Variants in CACNA1G observed in about 807,000 individuals in gnomAD.
CACNA1G encodes the protein voltage-dependent T-type calcium channel subunit alpha-1G.
In CACNA1G, 67 loss-of-function variants were observed where a neutral mutation model predicts 219.4. The ratio of observed to expected loss-of-function variants is 0.31; its 90% CI spans 0.25 to 0.37. The LOEUF (loss-of-function observed/expected upper bound fraction) is 0.37, where lower values mean the gene tolerates loss of function less well. CACNA1G is among the 10% of genes least tolerant of loss of function. CACNA1G has a pLI of 1.00. For synonymous variants in CACNA1G, 1,296 were observed against 1,345.3 expected, an observed-to-expected ratio of 0.96 and a Z score of 0.80; for missense variants, 2,380 against 3,231.4, an observed-to-expected ratio of 0.74 and a Z score of 6.39.
intron 26 of CACNA1G, 135 bp downstream of exon 26, chr17:50,610,070 G>A (rs2048884413): frequency 3.8e-6 from 3 of 783,354 alleles, no homozygotes; most frequent in South Asian, 3.1e-5. Context: ...GGGCTGAAGC[G>A]CTGGGCTCTG....
chr17:50,616,349 T>A lies in CACNA1G; in HGVS notation c.4986T>A (p.Leu1662=), dbSNP rs374164924. 1.2e-6 allele frequency: 2 copies of A among 1,613,536 alleles called. No individual in the cohort carries two copies. Among genetic ancestry groups the A allele is most frequent in the African/African-American group, 2.7e-5 (2 of 74,930 alleles). ...VIFVLESVFK[L]VAFGFRRFFQ... ...TTGTCTTGGAGTCAGTTTTCAAACT[T>A]GTGGCCTTTGGTTTCCGTCGGTTCT... Residue 1662 remains leucine, a synonymous_variant, in exon 28 of 38, where the codon CTT becomes CTA. Coordinates refer to ENST00000359106, the MANE Select transcript of CACNA1G (RefSeq NM_018896.5).
chr17:50,575,236 A>C (rs910004021), intron 7 of CACNA1G, among the ~76,000 whole-genome samples: 1 of 152,168 alleles, frequency 6.6e-6, no homozygotes, highest in Non-Finnish European at 1.5e-5. Flanking sequence ...AGATTGCAGG[A>C]TAACACCATG....
At chr17:50,592,262 C>T (rs1032070590) in intron 13 of CACNA1G, among the ~76,000 whole-genome samples, 170 bp downstream of exon 13, 6 of 152,182 alleles carry the variant, frequency 3.9e-5, no homozygotes, top group African/African-American at 1.2e-4. Context: ...CTCCAGATCT[C>T]GTGCAGCCCC....
chr17:50,586,788 T>C (rs1321682667), intron 9 of CACNA1G, among the ~76,000 whole-genome samples: 1 of 152,218 alleles, frequency 6.6e-6, no homozygotes, highest in Admixed American at 6.5e-5. Context: ...AAGGCACTTT[T>C]AGGGCTAGTT....
intron 10 of CACNA1G, 128 bp downstream of exon 10, chr17:50,590,750 G>A (rs1055982320): frequency 6.5e-6 from 5 of 767,792 alleles, no homozygotes; most frequent in African/African-American, 1.7e-5. Flanking sequence ...GACCCCACAG[G>A]ACCTGCCACT....
At chr17:50,575,022 C>T (rs1398964281) in intron 7 of CACNA1G, among the ~76,000 whole-genome samples, 1 of 152,160 alleles carries the variant, frequency 6.6e-6, no homozygotes, top group Non-Finnish European at 1.5e-5. Flanking sequence ...GTCTCTCGCC[C>T]AAAGTCACAC....
rs777411079 is a variant in CACNA1G at position 50,618,256 on chromosome 17, C to A, written c.5340C>A (p.Gly1780=). 8 of 1,613,792 alleles carry A rather than the reference C, an allele frequency of 5.0e-6. No homozygotes were observed. Among genetic ancestry groups the A allele is most frequent in the Non-Finnish European group, 5.1e-6 (6 of 1,179,800 alleles). The part of the protein sequence containing the change: ...CDETHPCEGL[G]RHATFRNFGM... ...AGACACACCCCTGTGAGGGCCTGGG[C>A]CGTCATGCCACCTTTCGGAACTTTG... The change falls in exon 32 of 38, where the codon GGC becomes GGA. Residue 1780 remains glycine (G), a synonymous_variant. Coordinates refer to ENST00000359106, the MANE Select transcript of CACNA1G (RefSeq NM_018896.5). The surrounding 1 kb of genome is among the most constrained non-coding windows in gnomAD (Gnocchi z 5.3).
chr17:50,585,500 T>C (rs1859344), intron 9 of CACNA1G, among the ~76,000 whole-genome samples: 3,564 of 152,210 alleles, frequency 0.023, 64 homozygotes, highest in Non-Finnish European at 0.039. Flanking sequence ...GTGGGGGGAA[T>C]AAGCGTAGAA....
At chr17:50,605,815 C>T in intron 22 of CACNA1G, 83 bp from the exon 23 acceptor site, 3 of 1,499,044 alleles carry the variant, frequency 2.0e-6, no homozygotes, top group Non-Finnish European at 2.8e-6. Context: ...TGTGCCCAGG[C>T]TGGCGTGGGG....
At chr17:50,590,115 C>T (rs1006751120) in intron 9 of CACNA1G, among the ~76,000 whole-genome samples, 2 of 152,170 alleles carry the variant, frequency 1.3e-5, no homozygotes, top group Admixed American at 1.3e-4. Context: ...TGCTGCTGGC[C>T]TGGGCCCGCT....
intron 1 of CACNA1G, among the ~76,000 whole-genome samples, chr17:50,567,842 C>G (rs558421620): frequency 6.6e-6 from 1 of 152,240 alleles, no homozygotes; most frequent in East Asian, 1.9e-4. Context: ...ATGAGTCACC[C>G]CATAGAATCC....
chr17:50,618,160 G>C lies in CACNA1G; in HGVS notation c.5305+34G>C, dbSNP rs2050973410. 6.2e-7 allele frequency: 1 copy of C among 1,613,210 alleles called. No individual in the cohort carries two copies. Among genetic ancestry groups the C allele is most frequent in the South Asian group, 1.1e-5 (1 of 91,050 alleles). The stretch of plus-strand genomic sequence containing the variant: ...GGGTAGGGGAGGGTGGAGGAGCCAG[G>C]GCTGGAGACCAGGGGGCTCCTGGAC... On this transcript the variant is annotated intron_variant, in intron 31 of 37. Transcript: ENST00000359106. The surrounding 1 kb of genome is among the most constrained non-coding windows in gnomAD (Gnocchi z 5.3).
Position 50,624,379 on chromosome 17 carries a change from C to T in CACNA1G, c.6249C>T (p.His2083=). The part of the protein sequence containing the change: ...KAQSGSVLSV[H]SQPADTSYIL... Reference sequence around the variant, plus strand: ...CCACAGGCTCCGTCTTGTCCGTTCACTCCCAGCCAGCAGATACCAGCTACA... The same window carrying T: ...CCACAGGCTCCGTCTTGTCCGTTCATTCCCAGCCAGCAGATACCAGCTACA... Residue 2083 remains histidine, a synonymous_variant, in exon 37 of 38, where the codon CAC becomes CAT. Transcript: ENST00000359106. 6.4e-7 allele frequency: 1 copy of T among 1,552,600 alleles called. No homozygotes were observed. Among genetic ancestry groups the T allele is most frequent in the South Asian group, 1.2e-5 (1 of 86,400 alleles).
intron 9 of CACNA1G, among the ~76,000 whole-genome samples, chr17:50,586,392 G>A (rs1243463515): frequency 6.6e-6 from 1 of 152,122 alleles, no homozygotes; most frequent in Non-Finnish European, 1.5e-5. Flanking sequence ...TCTTGGTTCT[G>A]CACTGTGCCC....
chr17:50,576,391 G>A (rs1368425969), intron 8 of CACNA1G, 65 bp downstream of exon 8: 10 of 1,477,168 alleles, frequency 6.8e-6, no homozygotes, highest in South Asian at 1.2e-5. Context: ...TCCCAGAGGG[G>A]ACTAGGGGGT....
In CACNA1G at chr17:50,626,360, G is replaced by T; in HGVS notation, c.6743G>T (p.Ser2248Ile). The change falls in exon 38 of 38, where the codon AGC becomes ATC. Residue 2248 changes from serine (S) to isoleucine (I), a missense_variant. Transcript: ENST00000359106. The surrounding 1 kb of genome is among the most constrained non-coding windows in gnomAD (Gnocchi z 4.3). ...PSPRDLKKCYSVEAQSCQRRP... is the reference protein window; with the variant it reads ...PSPRDLKKCYIVEAQSCQRRP... ...CCACGGGACCTGAAGAAGTGCTACA[G>T]CGTGGAGGCCCAGAGCTGCCAGCGC... The T allele has an allele frequency of 3.7e-6, 6 of 1,612,794 alleles. No individual in the cohort carries two copies. The highest frequency in any genetic ancestry group is 5.1e-6 in the Non-Finnish European group (6 of 1,179,708).
intron 11 of CACNA1G, 25 bp downstream of exon 11, chr17:50,591,645 G>C (rs372554659): frequency 6.2e-7 from 1 of 1,611,466 alleles, no homozygotes; most frequent in Non-Finnish European, 8.5e-7. Flanking sequence ...GCACCTTGCC[G>C]GCTGAGAGAC....
chr17:50,621,007 G>A lies in CACNA1G; in HGVS notation c.5926-653G>A, dbSNP rs80315135. On this transcript the variant is annotated intron_variant, in intron 34 of 37. Coordinates refer to ENST00000359106, the MANE Select transcript of CACNA1G (RefSeq NM_018896.5). This position sits in a 1 kb window ranked among gnomAD's most constrained non-coding sequence, Gnocchi z 4.6. ...AGCCAGATGGTGTGGCAGCCCACCCGAGTGCGCCCACTTCAGGCTAACGGG... is the reference window on the plus strand; with the variant it reads ...AGCCAGATGGTGTGGCAGCCCACCCAAGTGCGCCCACTTCAGGCTAACGGG... Among the ~76,000 whole-genome samples, 592 of 152,292 alleles carry A rather than the reference G, an allele frequency of 3.9e-3. 16 individuals carry two copies. The highest frequency in any genetic ancestry group is 0.029 in the Admixed American group (442 of 15,298).
chr17:50,573,917 C>T (rs1453925274), intron 7 of CACNA1G, among the ~76,000 whole-genome samples: 1 of 152,252 alleles, frequency 6.6e-6, no homozygotes, highest in Non-Finnish European at 1.5e-5. Context: ...ATTTAATCCT[C>T]ACCGTGATCC....
Sources: allele counts gnomAD v4.1 joint callset (sites outside exome capture counted in the v4.1 genomes callset), GRCh38; gene constraint gnomAD v4.1.1; non-coding constraint Gnocchi (gnomAD v3.1); transcripts MANE v1.5; gene names NCBI Gene and HGNC (gene_info 2026-07-23, HGNC 2026-07-21).